The following WWOX variants were observed in gnomAD, a reference collection of about 807,000 sequenced individuals.
The protein encoded by WWOX is WW domain containing oxidoreductase.
Under a neutral mutation model 46.2 loss-of-function variants are expected in WWOX, and 69 were observed. That is an observed-to-expected ratio of 1.49 (90% CI 1.23 to 1.82). WWOX has a LOEUF of 1.82. WWOX is among the 40% of genes most tolerant of loss of function. The pLI is 0.00. For synonymous variants in WWOX, 359 were observed against 202.6 expected, an observed-to-expected ratio of 1.77 and a Z score of -6.56; for missense variants, 919 against 542.6, an observed-to-expected ratio of 1.69 and a Z score of -6.89.
chr16:78,407,014 G>C (rs977927925), intron 6 of WWOX, among the ~76,000 whole-genome samples: 1 of 152,174 alleles, frequency 6.6e-6, no homozygotes, highest in African/African-American at 2.4e-5. Context: ...GGGCAGCTGT[G>C]GCCTTGGTGG....
chr16:78,297,641 A>G (rs2079963858), intron 5 of WWOX, among the ~76,000 whole-genome samples: 1 of 152,220 alleles, frequency 6.6e-6, no homozygotes, highest in African/African-American at 2.4e-5. Flanking sequence ...CACCAAACAT[A>G]GATGACACAA....
rs78242137 is a variant in WWOX, at chr16:78,387,482, C to T, written c.605+534C>T. ...CATCCTTTTCAGTCTTTCAAAATTC[C>T]AGTTGGAGAAAGCCTTAGTTAGGGC... On this transcript the variant is annotated intron_variant, in intron 6 of 8. Coordinates refer to ENST00000566780, the MANE Select transcript of WWOX (RefSeq NM_016373.4). Among the ~76,000 whole-genome samples the T allele has an allele frequency of 7.3e-3, 1,103 of 151,948 alleles. 13 individuals carry two copies. The highest frequency in any genetic ancestry group is 0.025 in the African/African-American group (1,044 of 41,436).
rs80022456 is a variant in WWOX at position 78,645,576 on chromosome 16, G to C, written c.1056+212824G>C. The stretch of plus-strand genomic sequence containing the variant: ...CATGGTGGAAAGTGAAGGGGAGCCA[G>C]CATGTTCAGAGAACATATAGGGAGA... On this transcript the variant is annotated intron_variant, in intron 8 of 8. Transcript: ENST00000566780. Among the ~76,000 whole-genome samples the C allele has an allele frequency of 5.1e-3, 781 of 152,272 alleles. 9 individuals carry two copies. Among genetic ancestry groups the C allele is most frequent in the Non-Finnish European group, 8.5e-3 (576 of 68,022 alleles).
intron 8 of WWOX, among the ~76,000 whole-genome samples, chr16:78,907,454 A>T (rs945913988): frequency 6.6e-6 from 1 of 152,092 alleles, no homozygotes; most frequent in African/African-American, 2.4e-5. Context: ...TCCTCCTCCT[A>T]ACTTGGTGGT....
At chr16:79,033,067 A>G (rs905201153) in intron 8 of WWOX, among the ~76,000 whole-genome samples, 6 of 150,850 alleles carry the variant, frequency 4.0e-5, no homozygotes, top group Admixed American at 1.3e-4. Context: ...AATGGCCTCC[A>G]GCTCCATCCA....
intron 8 of WWOX, among the ~76,000 whole-genome samples, chr16:78,816,632 T>A (rs1293761887): frequency 1.3e-5 from 2 of 151,052 alleles, no homozygotes; most frequent in African/African-American, 2.4e-5. Flanking sequence ...AATACAGATG[T>A]AGCTGTGTCA....
chr16:78,669,478 A>G (rs1050394548), intron 8 of WWOX, among the ~76,000 whole-genome samples: 9 of 152,214 alleles, frequency 5.9e-5, no homozygotes, highest in African/African-American at 1.4e-4. Flanking sequence ...ACTGTCATCT[A>G]ATGGGTCAAG....
intron 8 of WWOX, among the ~76,000 whole-genome samples, chr16:78,445,446 C>G (rs1177526013): frequency 6.6e-6 from 1 of 152,116 alleles, no homozygotes; most frequent in Non-Finnish European, 1.5e-5. Flanking sequence ...TGTACAAGGT[C>G]CCTGTCCTCA....
chr16:78,797,607 G>A (rs1010818836), intron 8 of WWOX, among the ~76,000 whole-genome samples: 2 of 152,192 alleles, frequency 1.3e-5, no homozygotes, highest in Middle Eastern at 3.4e-3. Context: ...GAGCTTCCAT[G>A]TGCTTATTTG....
intron 8 of WWOX, among the ~76,000 whole-genome samples, chr16:78,905,214 GAGAGGAGGAGGA>G (rs531014468): frequency 6.6e-6 from 1 of 152,274 alleles, no homozygotes; most frequent in South Asian, 2.1e-4. Context: ...CCAATCTCAG[GAGAGGAGGAGGA>G]AGAGGAGGAG....
At chr16:79,182,300 C>T (rs1238724344) in intron 8 of WWOX, among the ~76,000 whole-genome samples, 2 of 152,034 alleles carry the variant, frequency 1.3e-5, no homozygotes, top group Admixed American at 6.6e-5. Context: ...CCATGATATA[C>T]CAGCGCCATG....
chr16:78,278,820 A>G (rs1312771989), intron 5 of WWOX: 10 of 687,004 alleles, frequency 1.5e-5, no homozygotes, highest in Non-Finnish European at 7.3e-6. Flanking sequence ...TACCTTTATC[A>G]GTTTGCAGTT....
intron 8 of WWOX, among the ~76,000 whole-genome samples, chr16:78,627,307 C>CA (rs1169810914): frequency 6.6e-6 from 1 of 152,136 alleles, no homozygotes; most frequent in Non-Finnish European, 1.5e-5. Context: ...CTTAAAGTCC[C>CA]AAAGGGAGGC....
chr16:78,956,186 C>T (rs891753374), intron 8 of WWOX, among the ~76,000 whole-genome samples: 2 of 151,774 alleles, frequency 1.3e-5, no homozygotes, highest in African/African-American at 4.8e-5. Flanking sequence ...TGCTCTGTCA[C>T]CCAGGCTGGA....
chr16:78,635,399 G>A (rs987313600), intron 8 of WWOX, among the ~76,000 whole-genome samples: 2 of 152,108 alleles, frequency 1.3e-5, no homozygotes, highest in Admixed American at 1.3e-4. Context: ...GCTCATCTGG[G>A]AGGAACTAGG....
At chr16:78,866,275 A>G (rs1425404262) in intron 8 of WWOX, among the ~76,000 whole-genome samples, 1 of 151,618 alleles carries the variant, frequency 6.6e-6, no homozygotes, top group African/African-American at 2.4e-5. Context: ...TGCCACCAGG[A>G]TTTTCTTGGA....
intron 8 of WWOX, among the ~76,000 whole-genome samples, chr16:79,084,446 A>C (rs141762427): frequency 1.0e-3 from 153 of 152,216 alleles, no homozygotes; most frequent in African/African-American, 3.6e-3. Flanking sequence ...TTTGAGATGG[A>C]GTCTCGCTCT....
chr16:78,568,040 T>C (rs2044616506), intron 8 of WWOX, among the ~76,000 whole-genome samples: 1 of 152,190 alleles, frequency 6.6e-6, no homozygotes. Context: ...CAGGAGTCTT[T>C]GTCTCATTTA....
At chr16:78,287,848 A>T (rs2079795294) in intron 5 of WWOX, among the ~76,000 whole-genome samples, 1 of 152,208 alleles carries the variant, frequency 6.6e-6, no homozygotes, top group African/African-American at 2.4e-5. Context: ...AGGCACAAGA[A>T]CTGTTTCAGT....
Sources: allele counts gnomAD v4.1 joint callset (sites outside exome capture counted in the v4.1 genomes callset), GRCh38; gene constraint gnomAD v4.1.1; transcripts MANE v1.5; gene names NCBI Gene and HGNC (gene_info 2026-07-23, HGNC 2026-07-21).